KLHL14: variants seen among roughly 807,000 people sequenced by gnomAD.
KLHL14 encodes kelch like family member 14, also known as kelch-like protein 14.
A neutral mutation model predicts 64.3 loss-of-function variants in KLHL14; 22 were observed. That is an observed-to-expected ratio of 0.34 (90% CI 0.24 to 0.49). The LOEUF (loss-of-function observed/expected upper bound fraction) is 0.49. Ranked by LOEUF, KLHL14 falls within the 20% of genes least tolerant of loss-of-function variation. The probability of loss-of-function intolerance (pLI) is 0.99; values close to 1 mark genes in which losing one functional copy is unlikely to be tolerated. For missense variants in KLHL14, 661 were observed against 789.0 expected (o/e 0.84, Z 1.94); for synonymous variants, 322 against 333.4 (o/e 0.97, Z 0.37).
At chr18:32,691,628 G>T (rs1280315937) in intron 4 of KLHL14, among the ~76,000 whole-genome samples, 1 of 152,166 alleles carries the variant, frequency 6.6e-6, no homozygotes, top group Non-Finnish European at 1.5e-5. Flanking sequence ...GGCAAAGGAG[G>T]TGCAGAGAGG....
At chr18:32,693,405 C>CAG (rs1167660313) in intron 4 of KLHL14, among the ~76,000 whole-genome samples, 9 of 120,922 alleles carry the variant, frequency 7.4e-5, no homozygotes, top group African/African-American at 2.9e-4. Flanking sequence ...CACACACACA[C>CAG]ACACACACAG....
At chr18:32,752,762 G>T (rs1243008851) in intron 2 of KLHL14, among the ~76,000 whole-genome samples, 1 of 149,146 alleles carries the variant, frequency 6.7e-6, no homozygotes, top group Non-Finnish European at 1.5e-5. Context: ...TATTGTAGTG[G>T]TTCCCAATGT....
intron 2 of KLHL14, 140 bp downstream of exon 2, chr18:32,769,505 A>G (rs2050364996): frequency 2.6e-6 from 2 of 765,934 alleles, no homozygotes; most frequent in African/African-American, 1.8e-5. Context: ...CACACTCTGA[A>G]TTGTTTGCGT....
rs1392189923 is a variant in KLHL14 at position 32,673,541 on chromosome 18, A to G, written c.*1116T>C. On this transcript the variant is annotated 3_prime_UTR_variant, in exon 9 of 9. Coordinates refer to ENST00000359358, the MANE Select transcript of KLHL14 (RefSeq NM_020805.3). ...ACTGAGTTCAGGCATCTCTGGTGAT[A>G]ACAAACAAAATATGATGAATTGGGG... The G allele has an allele frequency of 6.6e-6, 1 of 152,228 alleles. No individual in the cohort carries two copies. The highest frequency in any genetic ancestry group is 1.9e-4 in the East Asian group (1 of 5,202). The allele number at this position is 152,228 out of a possible 1,614,324, so 9.4% of individuals were successfully genotyped here. A position where few individuals can be genotyped will look rare whatever the true frequency, so the allele number is the denominator to read the frequency against.
chr18:32,769,331 G>C (rs1334318866), intron 2 of KLHL14, among the ~76,000 whole-genome samples: 2 of 152,136 alleles, frequency 1.3e-5, no homozygotes, highest in African/African-American at 2.4e-5. Flanking sequence ...ACTTCTAACT[G>C]TCCTGGCCTT....
At chr18:32,709,073 T>C (rs1320866420) in intron 3 of KLHL14, among the ~76,000 whole-genome samples, 1 of 152,212 alleles carries the variant, frequency 6.6e-6, no homozygotes, top group Admixed American at 6.5e-5. Context: ...CATTCACTTC[T>C]ATTCAGTCAT....
chr18:32,687,974 T>A (rs2144476919), intron 4 of KLHL14, among the ~76,000 whole-genome samples: 1 of 152,334 alleles, frequency 6.6e-6, no homozygotes, highest in South Asian at 2.1e-4. Context: ...CAGGTGTATT[T>A]GCTGAAATGG....
At chr18:32,693,745 T>C (rs1165273160) in intron 4 of KLHL14, among the ~76,000 whole-genome samples, 2 of 152,166 alleles carry the variant, frequency 1.3e-5, no homozygotes, top group Non-Finnish European at 2.9e-5. Flanking sequence ...TATTCACTGA[T>C]GGCTTTAAAC....
intron 3 of KLHL14, among the ~76,000 whole-genome samples, chr18:32,728,747 A>C (rs1453407340): frequency 6.6e-6 from 1 of 152,210 alleles, no homozygotes; most frequent in Non-Finnish European, 1.5e-5. Flanking sequence ...AAAAGCATTA[A>C]AGTCTTTATA....
intron 2 of KLHL14, among the ~76,000 whole-genome samples, chr18:32,767,182 G>A (rs185761175): frequency 1.6e-4 from 24 of 152,248 alleles, no homozygotes; most frequent in Non-Finnish European, 1.5e-5. Flanking sequence ...TGACACATAA[G>A]GCTAAGGGAA....
intron 3 of KLHL14, among the ~76,000 whole-genome samples, chr18:32,704,393 T>C (rs12956370): frequency 0.22 from 32,784 of 152,060 alleles, 3,999 homozygotes; most frequent in Middle Eastern, 0.28. Flanking sequence ...AGTTGTTCAC[T>C]TGAAAACCTA....
intron 3 of KLHL14, among the ~76,000 whole-genome samples, chr18:32,700,026 C>G (rs889926631): frequency 6.6e-6 from 1 of 151,576 alleles, no homozygotes; most frequent in African/African-American, 2.4e-5. Flanking sequence ...TATAAAATGT[C>G]CAGGGGTCTT....
At position 32,697,239 on chromosome 18, in the gene KLHL14, AAT is replaced by A. The variant is rs1336108102; in HGVS notation, c.1070-1689_1070-1688del. ...GAGGCTCATTGAGCAACAGAGGTAG[AAT>A]ATGTTTGAAAGGTTTTCTTCCCTTT... On this transcript the variant is annotated intron_variant, in intron 3 of 8. Coordinates refer to ENST00000359358, the MANE Select transcript of KLHL14 (RefSeq NM_020805.3). Among the ~76,000 whole-genome samples, 6 of 152,346 alleles carry A rather than the reference AAT, an allele frequency of 3.9e-5. No homozygotes were observed. In the East Asian group the frequency reaches 9.6e-4, roughly 24 times the overall value.
chr18:32,710,803 G>A (rs1019595441), intron 3 of KLHL14, among the ~76,000 whole-genome samples: 1 of 152,110 alleles, frequency 6.6e-6, no homozygotes, highest in African/African-American at 2.4e-5. Context: ...GTTCAGGGAG[G>A]TCCCATCAAT....
intron 3 of KLHL14, among the ~76,000 whole-genome samples, chr18:32,739,010 T>G (rs1369644814): frequency 1.3e-5 from 2 of 152,136 alleles, no homozygotes; most frequent in African/African-American, 4.8e-5. Context: ...GAGGAGCATG[T>G]CTGTGAGGCA....
At position 32,769,734 on chromosome 18, in the gene KLHL14, G is replaced by A. The variant is rs151206654; in HGVS notation, c.858C>T (p.Thr286=). ...ERVQSVDFMR[T]DPVCQKLLLD... is the part of the protein sequence containing the mutation. ...GCAGCAGCTTCTGGCAGACCGGGTC[G>A]GTTCGCATGAAATCCACTGACTGGA... Residue 286 remains threonine, a synonymous_variant, in exon 2 of 9, where the codon ACC becomes ACT. Transcript: ENST00000359358. 5.0e-6 allele frequency: 8 copies of A among 1,598,048 alleles called. No individual in the cohort carries two copies. The highest frequency in any genetic ancestry group is 1.3e-5 in the African/African-American group (1 of 74,762).
At chr18:32,748,471 G>C (rs536763292) in intron 2 of KLHL14, among the ~76,000 whole-genome samples, 1 of 152,002 alleles carries the variant, frequency 6.6e-6, no homozygotes, top group Non-Finnish European at 1.5e-5. Context: ...CCGGGTTCAC[G>C]CCATTCTCCT....
chr18:32,771,690 G>A (rs1470028037), intron 1 of KLHL14, among the ~76,000 whole-genome samples: 1 of 151,924 alleles, frequency 6.6e-6, no homozygotes, highest in Non-Finnish European at 1.5e-5. Context: ...GGATTCGTGT[G>A]CACGGTTTCC....
At chr18:32,760,479 T>G (rs1405946535) in intron 2 of KLHL14, among the ~76,000 whole-genome samples, 1 of 152,196 alleles carries the variant, frequency 6.6e-6, no homozygotes, top group Non-Finnish European at 1.5e-5. Flanking sequence ...TCCTCTCCAT[T>G]TCACTGGCCT....
Sources: gnomAD v4.1 joint callset for allele counts (sites outside exome capture counted in the v4.1 genomes callset) on GRCh38, gnomAD v4.1.1 for gene constraint, MANE v1.5 for transcripts, NCBI Gene and HGNC (gene_info 2026-07-23, HGNC 2026-07-21) for gene names.